The following PTK2 variants were observed in gnomAD, a reference collection of about 807,000 sequenced individuals.
The protein encoded by PTK2 is protein tyrosine kinase 2.
A neutral mutation model predicts 150.1 loss-of-function variants in PTK2; 45 were observed. That is an observed-to-expected ratio of 0.30 (90% CI 0.24 to 0.38). The LOEUF (loss-of-function observed/expected upper bound fraction) is 0.38, where lower values mean the gene tolerates loss of function less well. Among genes scored for constraint, PTK2 ranks in the 10% least tolerant of loss-of-function variants. The pLI is 1.00. For synonymous variants in PTK2, 432 were observed against 449.2 expected, an observed-to-expected ratio of 0.96 and a Z score of 0.48; for missense variants, 919 against 1,307.3, an observed-to-expected ratio of 0.70 and a Z score of 4.58.
intron 14 of PTK2, among the ~76,000 whole-genome samples, chr8:140,769,254 C>G (rs370594572): frequency 7.0e-4 from 106 of 152,148 alleles, no homozygotes; most frequent in African/African-American, 2.4e-3. Context: ...GTGTATGGAC[C>G]GCTACCATTT....
At chr8:140,961,505 C>T (rs545588802) in intron 1 of PTK2, among the ~76,000 whole-genome samples, 1 of 151,420 alleles carries the variant, frequency 6.6e-6, no homozygotes, top group South Asian at 2.1e-4. Flanking sequence ...ACTAAAAATA[C>T]AAAAAAATTA....
chr8:140,704,945 G>A (rs564016389), intron 24 of PTK2, among the ~76,000 whole-genome samples: 1 of 152,238 alleles, frequency 6.6e-6, no homozygotes, highest in African/African-American at 2.4e-5. Context: ...TGAACAGACA[G>A]GTGCCCTCGA....
chr8:140,942,996 G>A (rs1216267839), intron 1 of PTK2, among the ~76,000 whole-genome samples: 1 of 152,112 alleles, frequency 6.6e-6, no homozygotes, highest in Non-Finnish European at 1.5e-5. Context: ...TGACGCATCT[G>A]CTCCCACTTC....
chr8:140,714,159 A>C (rs909844670), intron 23 of PTK2, among the ~76,000 whole-genome samples: 3 of 152,214 alleles, frequency 2.0e-5, no homozygotes, highest in Non-Finnish European at 4.4e-5. Context: ...AAGCACCGCA[A>C]TTATAGGTGT....
chr8:140,938,687 C>T (rs1442502217), intron 1 of PTK2, among the ~76,000 whole-genome samples: 1 of 152,190 alleles, frequency 6.6e-6, no homozygotes, highest in Non-Finnish European at 1.5e-5. Flanking sequence ...GGAAACAACT[C>T]CGCACCACCC....
intron 7 of PTK2, among the ~76,000 whole-genome samples, chr8:140,831,841 A>G (rs1342956445): frequency 6.6e-6 from 1 of 152,178 alleles, no homozygotes; most frequent in Non-Finnish European, 1.5e-5. Flanking sequence ...AGGGGGGAAA[A>G]GAATCCACAC....
At chr8:140,842,054 TA>T (rs923747584) in intron 7 of PTK2, among the ~76,000 whole-genome samples, 12 of 151,914 alleles carry the variant, frequency 7.9e-5, no homozygotes, top group Non-Finnish European at 1.8e-4. Flanking sequence ...TAAAGTTGAA[TA>T]AAAAAAGCAA....
At chr8:140,984,586 C>T (rs573479110) in intron 1 of PTK2, among the ~76,000 whole-genome samples, 30 of 152,286 alleles carry the variant, frequency 2.0e-4, no homozygotes, top group African/African-American at 6.7e-4. Context: ...GAGGTAGTTT[C>T]TCCAATTCAA....
In PTK2 at chr8:140,815,017, G is replaced by A. The variant is rs915011064; in HGVS notation, c.867+3260C>T. ...TCTCCATCTCCTGACCTCGTGATCC[G>A]CCCACCTTGGCCTCCCAAAGTGCTG... On this transcript the variant is annotated intron_variant, in intron 10 of 31. Coordinates refer to ENST00000522684, the Ensembl canonical transcript of PTK2. Among the ~76,000 whole-genome samples, 17 of 152,042 alleles carry A rather than the reference G, an allele frequency of 1.1e-4. No individual in the cohort carries two copies. In the East Asian group the frequency reaches 1.9e-3, roughly 17 times the overall value.
At chr8:140,676,735 G>T (rs893030660) in intron 27 of PTK2, among the ~76,000 whole-genome samples, 18 of 135,964 alleles carry the variant, frequency 1.3e-4, no homozygotes, top group African/African-American at 5.2e-4. Context: ...AGACCATCCT[G>T]GCTAACATGG....
intron 10 of PTK2, among the ~76,000 whole-genome samples, chr8:140,813,588 T>C (rs1455733037): frequency 1.3e-5 from 2 of 151,932 alleles, no homozygotes; most frequent in South Asian, 4.2e-4. Flanking sequence ...AAGAAGTGCT[T>C]TGAAATGAAT....
intron 1 of PTK2, among the ~76,000 whole-genome samples, chr8:140,985,430 G>A (rs1776740802): frequency 6.6e-6 from 1 of 152,110 alleles, no homozygotes. Flanking sequence ...CTGGCCTCAT[G>A]ACATTTTTAA....
chr8:140,977,766 AAG>A (rs2100189832), intron 1 of PTK2, among the ~76,000 whole-genome samples: 1 of 152,318 alleles, frequency 6.6e-6, no homozygotes, highest in East Asian at 1.9e-4. Flanking sequence ...CCCTTGGATA[AAG>A]AGAGATTCCT....
At chr8:140,904,950 T>C (rs1306523942) in intron 2 of PTK2, among the ~76,000 whole-genome samples, 1 of 152,212 alleles carries the variant, frequency 6.6e-6, no homozygotes, top group African/African-American at 2.4e-5. Flanking sequence ...AACCAGCTCC[T>C]GGATTCATTG....
chr8:140,672,874 T>C (rs1230940866), intron 29 of PTK2, among the ~76,000 whole-genome samples: 1 of 152,206 alleles, frequency 6.6e-6, no homozygotes, highest in Non-Finnish European at 1.5e-5. Context: ...GGAGGCTGTG[T>C]AACCTTGAAC....
rs977855549 is a variant in PTK2 at position 140,819,601 on chromosome 8, A to G, written c.649-581T>C. 2.6e-5 allele frequency among the ~76,000 whole-genome samples: 4 copies of G among 152,234 alleles called. No homozygotes were observed. The East Asian group carries it at 7.7e-4, about 29-fold the overall frequency. On this transcript the variant is annotated intron_variant, in intron 8 of 31. Coordinates refer to ENST00000522684, the Ensembl canonical transcript of PTK2. ...TCAACCAACATTCTATGCAGCCTCA[A>G]GAACTGTTTTGGAGAACTAATCTAC...
chr8:140,840,639 A>G (rs1443334805), intron 7 of PTK2, among the ~76,000 whole-genome samples: 4 of 152,220 alleles, frequency 2.6e-5, no homozygotes, highest in South Asian at 2.1e-4. Context: ...ATAAATTTCA[A>G]CGTAATTACA....
At chr8:140,933,126 T>C (rs2100172475) in intron 1 of PTK2, among the ~76,000 whole-genome samples, 1 of 150,950 alleles carries the variant, frequency 6.6e-6, no homozygotes, top group Non-Finnish European at 1.5e-5. Flanking sequence ...GCTGGGATTA[T>C]AGGTGTGAGC....
At chr8:140,932,402 G>A (rs2154608582) in intron 1 of PTK2, among the ~76,000 whole-genome samples, 1 of 152,034 alleles carries the variant, frequency 6.6e-6, no homozygotes, top group Admixed American at 6.5e-5. Flanking sequence ...TTTTAGTAGA[G>A]AGGGGGTTTC....
Sources: allele counts gnomAD v4.1 joint callset (sites outside exome capture counted in the v4.1 genomes callset), GRCh38; gene constraint gnomAD v4.1.1; transcripts MANE v1.5; gene names NCBI Gene and HGNC (gene_info 2026-07-23, HGNC 2026-07-21).